Variants in PCDH15 observed in about 807,000 individuals in gnomAD.
The protein encoded by PCDH15 is protocadherin-15.
In PCDH15, 129 loss-of-function variants were observed where a neutral mutation model predicts 178.5. The ratio of observed to expected loss-of-function variants is 0.72; its 90% CI spans 0.63 to 0.84. The LOEUF is 0.84. Among genes scored for constraint, PCDH15 ranks in the 40% least tolerant of loss-of-function variants. The pLI is 0.00. For missense variants in PCDH15, 2,230 were observed against 2,099.9 expected (o/e 1.06, Z -1.21); for synonymous variants, 800 against 732.0 (o/e 1.09, Z -1.50).
intron 1 of PCDH15, among the ~76,000 whole-genome samples, chr10:55,225,074 A>G (rs995663736): frequency 1.3e-5 from 2 of 151,896 alleles, no homozygotes; most frequent in African/African-American, 4.8e-5. Flanking sequence ...TAGTATTTGT[A>G]TCTTCTATTA....
rs145858668 is a variant in PCDH15, at chr10:54,835,815, T to C, written c.-29+61635A>G. On this transcript the variant is annotated intron_variant, in intron 3 of 5. Coordinates refer to the PCDH15 transcript ENST00000458638. ...TTGAGCTATGTGTCTGTAGATAGAT[T>C]ATAGATTCTTTCTCTCAAATACCTG... Among the ~76,000 whole-genome samples, 339 of 152,262 alleles carry C rather than the reference T, an allele frequency of 2.2e-3. 2 individuals are homozygous for C. The highest frequency in any genetic ancestry group is 6.5e-3 in the African/African-American group (272 of 41,562).
chr10:53,860,080 G>T (rs1028738749), intron 27 of PCDH15, among the ~76,000 whole-genome samples: 1 of 152,090 alleles, frequency 6.6e-6, no homozygotes, highest in Non-Finnish European at 1.5e-5. Context: ...TCTATACTGG[G>T]TGAATGTGTT....
intron 5 of PCDH15, among the ~76,000 whole-genome samples, 164 bp downstream of exon 5, chr10:54,368,956 C>T (rs1199364393): frequency 3.3e-5 from 5 of 151,600 alleles, no homozygotes; most frequent in Admixed American, 2.0e-4. Context: ...AAAATAACAT[C>T]GGAAGTCACA....
At chr10:55,402,357 A>G (rs1838090890) in intron 2 of PCDH15, among the ~76,000 whole-genome samples, 2 of 152,036 alleles carry the variant, frequency 1.3e-5, no homozygotes, top group South Asian at 4.1e-4. Flanking sequence ...TTTATCATTT[A>G]TTCATATTAA....
chr10:55,034,121 G>A (rs1218942807), intron 2 of PCDH15, among the ~76,000 whole-genome samples: 3 of 151,962 alleles, frequency 2.0e-5, no homozygotes, highest in East Asian at 3.9e-4. Flanking sequence ...ATTACCCAGT[G>A]TGGTATTTCA....
At chr10:55,099,436 TG>T (rs1842525747) in intron 2 of PCDH15, among the ~76,000 whole-genome samples, 4 of 152,028 alleles carry the variant, frequency 2.6e-5, no homozygotes, top group African/African-American at 9.7e-5. Flanking sequence ...AAATGAGAAA[TG>T]TCACAGGAAA....
At chr10:53,970,280 T>A (rs183760225) in intron 21 of PCDH15, among the ~76,000 whole-genome samples, 2,202 of 151,834 alleles carry the variant, frequency 0.015, 50 homozygotes, top group African/African-American at 0.048. Context: ...TACATAATGG[T>A]AAAGGGATCA....
chr10:55,133,935 T>C (rs971816543), intron 2 of PCDH15, among the ~76,000 whole-genome samples: 3 of 152,148 alleles, frequency 2.0e-5, no homozygotes, highest in Non-Finnish European at 4.4e-5. Context: ...ATTAATCTTT[T>C]ATCCTGTTCC....
intron 3 of PCDH15, among the ~76,000 whole-genome samples, chr10:54,452,028 T>G (rs969103604): frequency 4.6e-5 from 7 of 151,964 alleles, no homozygotes; most frequent in African/African-American, 1.7e-4. Flanking sequence ...TTTACTAATT[T>G]CCATTATAAT....
At chr10:54,437,898 C>A (rs527491142) in intron 3 of PCDH15, among the ~76,000 whole-genome samples, 1 of 152,270 alleles carries the variant, frequency 6.6e-6, no homozygotes, top group African/African-American at 2.4e-5. Context: ...TCCCTCTCAT[C>A]ACTACCTTTA....
At chr10:55,324,460 C>T (rs1224913357), upstream of PCDH15, among the ~76,000 whole-genome samples, 2 of 151,856 alleles carry the variant, frequency 1.3e-5, no homozygotes, top group Non-Finnish European at 2.9e-5. Flanking sequence ...CATTCAAAAC[C>T]GACTTTAAAT....
chr10:54,759,730 C>T (rs1299822094), intron 1 of PCDH15, among the ~76,000 whole-genome samples: 1 of 152,190 alleles, frequency 6.6e-6, no homozygotes, highest in African/African-American at 2.4e-5. Flanking sequence ...ATAAAATCTT[C>T]CCTAACTTTT....
intron 23 of PCDH15, among the ~76,000 whole-genome samples, chr10:53,958,573 A>C (rs1463809788): frequency 2.0e-5 from 3 of 152,080 alleles, no homozygotes; most frequent in Non-Finnish European, 4.4e-5. Flanking sequence ...TCTCCAGATA[A>C]GGACATGGCA....
chr10:54,810,619 A>G (rs73268260), intron 3 of PCDH15, among the ~76,000 whole-genome samples: 6,513 of 152,062 alleles, frequency 0.043, 409 homozygotes, highest in African/African-American at 0.14. Context: ...TAACATTTTC[A>G]CTCTGTATTT....
intron 4 of PCDH15, among the ~76,000 whole-genome samples, chr10:54,372,789 C>T (rs1213388113): frequency 1.3e-5 from 2 of 151,784 alleles, no homozygotes; most frequent in Non-Finnish European, 2.9e-5. Flanking sequence ...TTCATATATA[C>T]CTAAACATGC....
intron 1 of PCDH15, among the ~76,000 whole-genome samples, chr10:55,274,621 T>C (rs1346548906): frequency 6.6e-6 from 1 of 152,024 alleles, no homozygotes; most frequent in Non-Finnish European, 1.5e-5. Context: ...GCTTACCACT[T>C]TTTTCCAAAC....
At chr10:54,460,308 A>C (rs2077090129) in intron 3 of PCDH15, among the ~76,000 whole-genome samples, 1 of 152,160 alleles carries the variant, frequency 6.6e-6, no homozygotes, top group Non-Finnish European at 1.5e-5. Flanking sequence ...CACAATGCTC[A>C]CATTTTGCTG....
chr10:55,104,860 A>G (rs566390178), intron 2 of PCDH15, among the ~76,000 whole-genome samples: 2 of 152,336 alleles, frequency 1.3e-5, no homozygotes, highest in African/African-American at 4.8e-5. Context: ...ACAATATGCA[A>G]GAACTTCAGG....
chr10:54,843,064 C>A (rs1953445823), intron 3 of PCDH15, among the ~76,000 whole-genome samples: 1 of 151,928 alleles, frequency 6.6e-6, no homozygotes, highest in African/African-American at 2.4e-5. Context: ...ACACACATTT[C>A]AAATAGTTTT....
Sources: allele counts gnomAD v4.1 joint callset (sites outside exome capture counted in the v4.1 genomes callset), GRCh38; gene constraint gnomAD v4.1.1; transcripts MANE v1.5; gene names NCBI Gene and HGNC (gene_info 2026-07-23, HGNC 2026-07-21).